The following LPCAT1 variants were observed in gnomAD, a reference collection of about 807,000 sequenced individuals.
The protein encoded by LPCAT1 is lysophosphatidylcholine acyltransferase 1.
LPCAT1 carries 23 observed loss-of-function variants against 60.9 expected under a neutral mutation model. The observed-to-expected ratio is 0.38, with a 90% CI of 0.27 to 0.53. The LOEUF (loss-of-function observed/expected upper bound fraction) is 0.53. Among genes scored for constraint, LPCAT1 ranks in the 20% least tolerant of loss-of-function variants. LPCAT1 has a pLI of 0.82. For missense variants in LPCAT1, 622 were observed against 723.6 expected (o/e 0.86, Z 1.61); for synonymous variants, 340 against 301.1 (o/e 1.13, Z -1.34).
chr5:1,508,675 C>CAT (rs1269703375), intron 1 of LPCAT1, among the ~76,000 whole-genome samples: 1 of 152,236 alleles, frequency 6.6e-6, no homozygotes, highest in African/African-American at 2.4e-5. Flanking sequence ...AGACACTTGA[C>CAT]ATATGTTTGA....
At chr5:1,509,948 A>G (rs1736306670) in intron 1 of LPCAT1, among the ~76,000 whole-genome samples, 1 of 152,236 alleles carries the variant, frequency 6.6e-6, no homozygotes, top group Non-Finnish European at 1.5e-5. Context: ...ATGGGCTGCC[A>G]GGAGCGCAGG....
chr5:1,469,028 G>A (rs1157104685), intron 12 of LPCAT1, among the ~76,000 whole-genome samples: 1 of 152,258 alleles, frequency 6.6e-6, no homozygotes, highest in Admixed American at 6.5e-5. Flanking sequence ...AAAGGGACAT[G>A]GGGAAGCAGC....
At chr5:1,484,332 C>CCAT (rs1006510641) in intron 5 of LPCAT1, among the ~76,000 whole-genome samples, 2 of 152,248 alleles carry the variant, frequency 1.3e-5, no homozygotes, top group African/African-American at 4.8e-5. Context: ...GAGCAAGGCA[C>CCAT]CATGGACTCT....
intron 3 of LPCAT1, among the ~76,000 whole-genome samples, chr5:1,490,410 G>T (rs115547584): frequency 0.014 from 2,117 of 152,284 alleles, 14 homozygotes; most frequent in Middle Eastern, 0.034. Flanking sequence ...CCCAGATGAG[G>T]GTCCCTATGG....
intron 1 of LPCAT1, among the ~76,000 whole-genome samples, chr5:1,512,319 G>T (rs1010011826): frequency 1.3e-5 from 2 of 152,206 alleles, no homozygotes; most frequent in Non-Finnish European, 2.9e-5. Context: ...CGGAGTCACT[G>T]TCAGCTCTGC....
intron 12 of LPCAT1, 133 bp from the exon 13 acceptor site, chr5:1,467,023 CG>C: frequency 1.0e-6 from 1 of 956,652 alleles, no homozygotes; most frequent in Non-Finnish European, 1.4e-6. Flanking sequence ...CGGCTGGACA[CG>C]GGGGACTCGA....
rs997662270 is a variant in LPCAT1 at position 1,523,600 on chromosome 5, C to G, written c.135+110G>C. The G allele has an allele frequency of 1.3e-6, 1 of 776,740 alleles. No homozygotes were observed. Among genetic ancestry groups the G allele is most frequent in the Non-Finnish European group, 1.6e-6 (1 of 634,794 alleles). 48.1% of individuals were successfully genotyped at this position (776,740 alleles called of 1,614,324 possible). On this transcript the variant is annotated intron_variant, in intron 1 of 13. Transcript: ENST00000283415. The surrounding 1 kb of genome is among the most constrained non-coding windows in gnomAD (Gnocchi z 7.1). ...GGGAAGGCGCCGCGGCTCGCAGGGC[C>G]GCGCCGCGCCCCAGGCCCCCTCCCC...
At chr5:1,520,701 A>G (rs1366380935) in intron 1 of LPCAT1, among the ~76,000 whole-genome samples, 1 of 151,948 alleles carries the variant, frequency 6.6e-6, no homozygotes, top group Non-Finnish European at 1.5e-5. Flanking sequence ...TCTACTAAAA[A>G]TACAAAAAAA....
intron 1 of LPCAT1, among the ~76,000 whole-genome samples, chr5:1,513,254 T>C (rs769840535): frequency 6.6e-6 from 1 of 152,174 alleles, no homozygotes; most frequent in Non-Finnish European, 1.5e-5. Flanking sequence ...CCCCCTTCCC[T>C]GAAGGGTTTG....
At chr5:1,475,163 C>T (rs76846360) in intron 9 of LPCAT1, among the ~76,000 whole-genome samples, 1,539 of 152,374 alleles carry the variant, frequency 0.01, 5 homozygotes, top group Non-Finnish European at 0.015. Context: ...ACTCCCAGAG[C>T]TGCTCTGACC....
In LPCAT1 at chr5:1,523,912, G is replaced by T. The variant is rs1736755470; in HGVS notation, c.-68C>A. On this transcript the variant is annotated 5_prime_UTR_variant, in exon 1 of 14. Coordinates refer to ENST00000283415, the MANE Select transcript of LPCAT1 (RefSeq NM_024830.5). This position sits in a 1 kb window ranked among gnomAD's most constrained non-coding sequence, Gnocchi z 7.1. ...CGCCGAGCGGGGCCGGGGCTAGCTG[G>T]GCGCGGGTCTCGGGGCGCGGGCCGA... is the stretch of plus-strand genomic sequence containing the variant. 1.0e-6 allele frequency: 1 copy of T among 992,774 alleles called. No individual in the cohort carries two copies. Among genetic ancestry groups the T allele is most frequent in the Non-Finnish European group, 1.2e-6 (1 of 833,006 alleles). 61.5% of individuals were successfully genotyped at this position (992,774 alleles called of 1,614,324 possible).
In LPCAT1 at chr5:1,477,319, G is replaced by A. The variant is rs1333276735; in HGVS notation, c.899+85C>T. 25 of 1,107,972 alleles carry A rather than the reference G, an allele frequency of 2.3e-5. No homozygotes were observed. The highest frequency in any genetic ancestry group is 2.9e-5 in the Non-Finnish European group (22 of 746,076). The allele number at this position is 1,107,972 out of a possible 1,614,324, so 68.6% of individuals were successfully genotyped here. A position where few individuals can be genotyped will look rare whatever the true frequency, so the allele number is the denominator to read the frequency against. On this transcript the variant is annotated intron_variant, in intron 9 of 13. Transcript: ENST00000283415. The surrounding 1 kb of genome is among the most constrained non-coding windows in gnomAD (Gnocchi z 6.0). ...TTCTGCAAGAATGCCTTTTCCTAAC[G>A]CTGTTGCCTATTTTAAATATACAGA... is the stretch of plus-strand genomic sequence containing the variant.
Position 1,477,504 on chromosome 5 carries a change from C to G in LPCAT1, c.817-18G>C. On this transcript the variant is annotated intron_variant, in intron 8 of 13. Transcript: ENST00000283415. This position sits in a 1 kb window ranked among gnomAD's most constrained non-coding sequence, Gnocchi z 6.0. ...GGAAGGAACTGAGCACACAGAGAAG[C>G]TGCGTTAGTATCACAAGACGCTGAC... The G allele has an allele frequency of 6.3e-7, 1 of 1,594,428 alleles. No individual in the cohort carries two copies. Among genetic ancestry groups the G allele is most frequent in the Non-Finnish European group, 8.6e-7 (1 of 1,164,464 alleles).
intron 12 of LPCAT1, 55 bp from the exon 13 acceptor site, chr5:1,466,945 C>T (rs1442409488): frequency 1.7e-5 from 25 of 1,459,030 alleles, no homozygotes; most frequent in Non-Finnish European, 2.0e-5. Flanking sequence ...CACCAGGCCC[C>T]GCTGTCCAGG....
intron 13 of LPCAT1, among the ~76,000 whole-genome samples, chr5:1,464,829 T>G (rs1734273388): frequency 7.0e-6 from 1 of 143,484 alleles, no homozygotes; most frequent in Non-Finnish European, 1.5e-5. Context: ...TAATCACACA[T>G]GCACGTACAC....
chr5:1,521,534 G>T lies in LPCAT1; in HGVS notation c.135+2176C>A. On this transcript the variant is annotated intron_variant, in intron 1 of 13. Transcript: ENST00000283415. The surrounding 1 kb of genome is among the most constrained non-coding windows in gnomAD (Gnocchi z 4.3). ...AAAGCTTTGCAAAGCAATGCTTGGT[G>T]AAAAGCAAAATGTTTCTGCAGAGAA... The T allele has an allele frequency of 1.0e-6, 1 of 960,510 alleles. No individual in the cohort carries two copies. The highest frequency in any genetic ancestry group is 1.2e-6 in the Non-Finnish European group (1 of 807,234). 59.5% of individuals were successfully genotyped at this position (960,510 alleles called of 1,614,324 possible). A position where few individuals can be genotyped will look rare whatever the true frequency, so the allele number is the denominator to read the frequency against.
Position 1,477,367 on chromosome 5 carries a change from C to G in LPCAT1, c.899+37G>C. The G allele has an allele frequency of 6.4e-7, 1 of 1,568,290 alleles. No individual in the cohort carries two copies. Among genetic ancestry groups the G allele is most frequent in the African/African-American group, 1.4e-5 (1 of 73,988 alleles). ...AGAGAGCAGCACTCTGGGAGACACCCCTGACTCGGCGATGGGGGAAGGAGC... is the reference window on the plus strand; with the variant it reads ...AGAGAGCAGCACTCTGGGAGACACCGCTGACTCGGCGATGGGGGAAGGAGC... On this transcript the variant is annotated intron_variant, in intron 9 of 13. Coordinates refer to ENST00000283415, the MANE Select transcript of LPCAT1 (RefSeq NM_024830.5). This position sits in a 1 kb window ranked among gnomAD's most constrained non-coding sequence, Gnocchi z 6.0.
At chr5:1,493,994 G>A (rs140023832) in intron 3 of LPCAT1, among the ~76,000 whole-genome samples, 83 of 152,362 alleles carry the variant, frequency 5.4e-4, no homozygotes, top group Middle Eastern at 3.4e-3. Context: ...GCCCCCAGAG[G>A]AGGAAGAGGC....
chr5:1,480,016 CCT>C lies in LPCAT1; in HGVS notation c.762-343_762-342del, dbSNP rs1454960038. On this transcript the variant is annotated intron_variant, in intron 7 of 13. Coordinates refer to ENST00000283415, the MANE Select transcript of LPCAT1 (RefSeq NM_024830.5). This position sits in a 1 kb window ranked among gnomAD's most constrained non-coding sequence, Gnocchi z 6.4. The stretch of plus-strand genomic sequence containing the variant: ...CTCGCTGTCCCCAGGCAGCACAGGC[CCT>C]GAGTCATGCCACCCCTCCAGCCTGG... 6.6e-6 allele frequency among the ~76,000 whole-genome samples: 1 copy of C among 151,948 alleles called. No homozygotes were observed. Among genetic ancestry groups the C allele is most frequent in the Non-Finnish European group, 1.5e-5 (1 of 67,976 alleles).
Sources: gnomAD v4.1 joint callset for allele counts (sites outside exome capture counted in the v4.1 genomes callset) on GRCh38, gnomAD v4.1.1 for gene constraint, Gnocchi (gnomAD v3.1) non-coding constraint, MANE v1.5 for transcripts, NCBI Gene and HGNC (gene_info 2026-07-23, HGNC 2026-07-21) for gene names.